The following MEI1 variants were observed in gnomAD, a reference collection of about 807,000 sequenced individuals.
MEI1 encodes meiotic double-stranded break formation protein 1, also known as meiosis inhibitor protein 1.
A neutral mutation model predicts 146.2 loss-of-function variants in MEI1; 103 were observed. The ratio of observed to expected loss-of-function variants is 0.70; its 90% CI spans 0.60 to 0.83. MEI1 has a LOEUF of 0.83. MEI1 is among the 40% of genes least tolerant of loss of function. The pLI is 0.00. For synonymous variants in MEI1, 652 were observed against 628.2 expected (o/e 1.04, Z -0.57); for missense variants, 1,529 against 1,533.0 (o/e 1.00, Z 0.04).
At chr22:41,720,397 A>G (rs1438897398) in intron 6 of MEI1, among the ~76,000 whole-genome samples, 1 of 152,096 alleles carries the variant, frequency 6.6e-6, no homozygotes, top group East Asian at 1.9e-4. Context: ...AACTGGTTAT[A>G]CTGGGAATTC....
chr22:41,778,947 T>C, intron 22 of MEI1, 135 bp downstream of exon 22: 1 of 643,016 alleles, frequency 1.6e-6, no homozygotes, highest in South Asian at 1.9e-5. Context: ...AGTCTGTCCC[T>C]AGGGTTTTCT....
chr22:41,773,560 TAAA>T (rs34960433), intron 20 of MEI1, among the ~76,000 whole-genome samples: 57,843 of 130,012 alleles, frequency 0.44, 12,713 homozygotes, highest in East Asian at 0.62. Flanking sequence ...ACATCAATGG[TAAA>T]AAAAAAAAAA....
At chr22:41,728,089 T>C (rs2071528293) in intron 7 of MEI1, among the ~76,000 whole-genome samples, 1 of 152,204 alleles carries the variant, frequency 6.6e-6, no homozygotes, top group South Asian at 2.1e-4. Flanking sequence ...TCCAGTAAGT[T>C]GGCCCTGTTC....
intron 2 of MEI1, 70 bp from the exon 3 acceptor site, chr22:41,705,434 T>C: frequency 7.4e-7 from 1 of 1,351,020 alleles, no homozygotes. Context: ...GCCTCCCAAA[T>C]TGCTGGGGTA....
intron 26 of MEI1, among the ~76,000 whole-genome samples, chr22:41,787,705 G>C (rs2076040280): frequency 6.6e-6 from 1 of 152,164 alleles, no homozygotes; most frequent in Non-Finnish European, 1.5e-5. Flanking sequence ...CAGAACAGGA[G>C]GTGTGGGGGG....
intron 6 of MEI1, among the ~76,000 whole-genome samples, chr22:41,721,209 A>G (rs1198768274): frequency 4.5e-5 from 6 of 132,768 alleles, no homozygotes; most frequent in Non-Finnish European, 7.9e-5. Flanking sequence ...AAGTGCTGGG[A>G]TTACAGGTGT....
intron 18 of MEI1, among the ~76,000 whole-genome samples, chr22:41,762,409 C>T (rs2074551872): frequency 6.6e-6 from 1 of 151,082 alleles, no homozygotes; most frequent in Non-Finnish European, 1.5e-5. Context: ...GTATCTTGCT[C>T]TCTTACCCAG....
At chr22:41,769,020 A>G (rs550098019) in intron 19 of MEI1, among the ~76,000 whole-genome samples, 1 of 152,360 alleles carries the variant, frequency 6.6e-6, no homozygotes, top group African/African-American at 2.4e-5. Flanking sequence ...GGTAGATTCA[A>G]TGCAATCTGT....
intron 5 of MEI1, among the ~76,000 whole-genome samples, chr22:41,717,006 C>G (rs551346977): frequency 6.6e-6 from 1 of 151,904 alleles, no homozygotes; most frequent in East Asian, 1.9e-4. Flanking sequence ...TTCTTTAACA[C>G]AAATTAATTA....
intron 6 of MEI1, among the ~76,000 whole-genome samples, chr22:41,723,291 C>G (rs1317501255): frequency 1.3e-5 from 2 of 152,038 alleles, no homozygotes; most frequent in Admixed American, 6.6e-5. Flanking sequence ...CAGTTCACTG[C>G]AACCTGTGTC....
chr22:41,700,520 G>A (rs2068622087), intron 1 of MEI1, among the ~76,000 whole-genome samples: 1 of 152,124 alleles, frequency 6.6e-6, no homozygotes, highest in African/African-American at 2.4e-5. Flanking sequence ...TAGTAGAGAC[G>A]GAGTTTCATC....
intron 17 of MEI1, among the ~76,000 whole-genome samples, chr22:41,755,612 G>C (rs2074041006): frequency 1.3e-5 from 2 of 152,164 alleles, no homozygotes; most frequent in East Asian, 3.8e-4. Context: ...GTCAAACCAA[G>C]GGGAGCCCCA....
At chr22:41,765,472 C>A (rs542916493) in intron 19 of MEI1, among the ~76,000 whole-genome samples, 5 of 152,128 alleles carry the variant, frequency 3.3e-5, no homozygotes, top group African/African-American at 1.2e-4. Context: ...CAGAGTAAGA[C>A]GTTGTCTCAA....
intron 11 of MEI1, among the ~76,000 whole-genome samples, chr22:41,737,551 G>C (rs1364498746): frequency 1.3e-5 from 2 of 148,288 alleles, no homozygotes; most frequent in African/African-American, 5.0e-5. Context: ...TTTTTTTCTG[G>C]GGGGTGAGGG....
intron 1 of MEI1, 72 bp from the exon 2 acceptor site, chr22:41,703,258 GA>G: frequency 6.6e-7 from 1 of 1,511,496 alleles, no homozygotes; most frequent in Non-Finnish European, 9.0e-7. Context: ...ATTGTATTTG[GA>G]AATTACGGTT....
At position 41,776,194 on chromosome 22, in the gene MEI1, C is replaced by A; in HGVS notation, c.2637C>A (p.Gly879=). 1 of 1,613,940 alleles carries A rather than the reference C, an allele frequency of 6.2e-7. No individual in the cohort carries two copies. Among genetic ancestry groups the A allele is most frequent in the Non-Finnish European group, 8.5e-7 (1 of 1,179,870 alleles). The stretch of plus-strand genomic sequence containing the variant: ...GGAGGAATGAGGATATCCAAGTGGG[C>A]GGTCTTATCCGAGGCCACTTCCTGC... ...FLRRNEDIQV[G]GLIRGHFLLI... Residue 879 remains glycine, a synonymous_variant, in exon 21 of 31, where the codon GGC becomes GGA. Coordinates refer to ENST00000401548, the MANE Select transcript of MEI1 (RefSeq NM_152513.4).
intron 7 of MEI1, 41 bp from the exon 8 acceptor site, chr22:41,729,624 C>T (rs748770310): frequency 8.2e-5 from 109 of 1,332,184 alleles, no homozygotes; most frequent in Non-Finnish European, 1.1e-4. Context: ...TGGTCCTATT[C>T]GTGGTGTGAC....
intron 19 of MEI1, among the ~76,000 whole-genome samples, chr22:41,770,100 C>G (rs1250991745): frequency 1.3e-5 from 2 of 151,848 alleles, no homozygotes; most frequent in African/African-American, 4.8e-5. Flanking sequence ...TGCCATTGCA[C>G]TCCAGCCTGG....
chr22:41,712,680 G>GTGTA (rs2069698222), intron 3 of MEI1, among the ~76,000 whole-genome samples: 3 of 149,704 alleles, frequency 2.0e-5, no homozygotes, highest in African/African-American at 7.5e-5. Flanking sequence ...AGATGTGTGT[G>GTGTA]TGTGTGTGTG....
Sources: allele counts gnomAD v4.1 joint callset (sites outside exome capture counted in the v4.1 genomes callset), GRCh38; gene constraint gnomAD v4.1.1; transcripts MANE v1.5; gene names NCBI Gene and HGNC (gene_info 2026-07-23, HGNC 2026-07-21).